TMEM108: variants seen among roughly 807,000 people sequenced by gnomAD.
TMEM108 encodes transmembrane protein 108.
TMEM108 carries 12 observed loss-of-function variants against 35.1 expected under a neutral mutation model. The observed-to-expected ratio is 0.34, with a 90% confidence interval of 0.22 to 0.55. The LOEUF (loss-of-function observed/expected upper bound fraction) is 0.55, where lower values mean the gene tolerates loss of function less well. Ranked by LOEUF, TMEM108 falls within the 20% of genes least tolerant of loss-of-function variation. TMEM108 has a pLI of 0.89. For missense variants in TMEM108, 680 were observed against 753.3 expected (o/e 0.90, Z 1.14); for synonymous variants, 287 against 308.6 (o/e 0.93, Z 0.73).
intron 3 of TMEM108, among the ~76,000 whole-genome samples, chr3:133,358,012 C>G (rs913911071): frequency 6.6e-6 from 1 of 152,084 alleles, no homozygotes; most frequent in Non-Finnish European, 1.5e-5. Context: ...ACCTGTTGCC[C>G]AGTTGTTACA....
chr3:133,126,528 G>C (rs1448995023), intron 2 of TMEM108, among the ~76,000 whole-genome samples: 3 of 147,920 alleles, frequency 2.0e-5, no homozygotes, highest in Admixed American at 6.8e-5. Context: ...CCAGAGTCTA[G>C]ACTAGCATTG....
At position 133,346,096 on chromosome 3, in the gene TMEM108, C is replaced by A. The variant is rs12630271; in HGVS notation, c.41-33656C>A. On this transcript the variant is annotated intron_variant, in intron 3 of 5. Coordinates refer to ENST00000321871, the MANE Select transcript of TMEM108 (RefSeq NM_023943.4). The surrounding 1 kb of genome is among the most constrained non-coding windows in gnomAD (Gnocchi z 4.0). ...CAATTATGAATAAAGTAGCTATAAGCATTCATGTGTAGGATTCTGTGTGAA... is the reference window on the plus strand; with the variant it reads ...CAATTATGAATAAAGTAGCTATAAGAATTCATGTGTAGGATTCTGTGTGAA... 0.34 allele frequency among the ~76,000 whole-genome samples: 51,143 copies of A among 151,736 alleles called. 9,013 individuals carry two copies. The highest frequency in any genetic ancestry group is 0.48 in the East Asian group (2,475 of 5,170).
In TMEM108 at chr3:133,317,810, T is replaced by G. The variant is rs73222859; in HGVS notation, c.41-61942T>G. Reference sequence around the variant, plus strand: ...ACCGAACAAATCCTTCCCCTCGTGGTACTGATATTCTAGAGGGGAAAGACT... The same window carrying G: ...ACCGAACAAATCCTTCCCCTCGTGGGACTGATATTCTAGAGGGGAAAGACT... On this transcript the variant is annotated intron_variant, in intron 3 of 5. Coordinates refer to ENST00000321871, the MANE Select transcript of TMEM108 (RefSeq NM_023943.4). Among the ~76,000 whole-genome samples the G allele has an allele frequency of 4.4e-3, 672 of 152,292 alleles. 3 individuals are homozygous for G. The highest frequency in any genetic ancestry group is 7.1e-3 in the Non-Finnish European group (482 of 68,026).
chr3:133,074,968 T>A (rs552203933), intron 2 of TMEM108, among the ~76,000 whole-genome samples: 1 of 151,764 alleles, frequency 6.6e-6, no homozygotes, highest in African/African-American at 2.4e-5. Context: ...TTATAAAATA[T>A]GTATTGTGTT....
At chr3:133,187,667 T>G (rs1316077898) in intron 2 of TMEM108, among the ~76,000 whole-genome samples, 1 of 152,002 alleles carries the variant, frequency 6.6e-6, no homozygotes, top group East Asian at 1.9e-4. Flanking sequence ...GGAGAACTGC[T>G]TGAACCCAGG....
chr3:133,237,734 AG>A (rs1490045211), intron 3 of TMEM108, among the ~76,000 whole-genome samples: 37 of 152,322 alleles, frequency 2.4e-4, no homozygotes, highest in African/African-American at 8.9e-4. Flanking sequence ...GTCTTTCATA[AG>A]CCAGACACTA....
chr3:133,187,321 C>T (rs1266568350), intron 2 of TMEM108, among the ~76,000 whole-genome samples: 1 of 152,168 alleles, frequency 6.6e-6, no homozygotes, highest in Non-Finnish European at 1.5e-5. Flanking sequence ...CCTTCCACTA[C>T]CAACTTCAGT....
At chr3:133,046,484 A>G (rs1943341941) in intron 2 of TMEM108, among the ~76,000 whole-genome samples, 1 of 152,228 alleles carries the variant, frequency 6.6e-6, no homozygotes, top group African/African-American at 2.4e-5. Context: ...AACTTCTCAA[A>G]GTGTTGAAAA....
rs1559846226 is a variant in TMEM108 at position 133,143,581 on chromosome 3, GA to G, written c.-46-85684del. ...TTATTATTGCCTTGTATGGCGAAAA[GA>G]TGTCATAATTCTGTTTTACAGATGA... On this transcript the variant is annotated intron_variant, in intron 2 of 5. Coordinates refer to ENST00000321871, the MANE Select transcript of TMEM108 (RefSeq NM_023943.4). Among the ~76,000 whole-genome samples the G allele has an allele frequency of 2.6e-5, 4 of 152,280 alleles. No homozygotes were observed. The South Asian group carries it at 8.3e-4, about 32-fold the overall frequency.
chr3:133,273,456 T>C (rs1301482246), intron 3 of TMEM108, among the ~76,000 whole-genome samples: 1 of 152,180 alleles, frequency 6.6e-6, no homozygotes, highest in African/African-American at 2.4e-5. Flanking sequence ...ACACCACGTC[T>C]ACCTCCCACA....
chr3:133,378,304 T>A (rs2072902862), intron 3 of TMEM108: 2 of 978,594 alleles, frequency 2.0e-6, no homozygotes, highest in South Asian at 9.5e-5. Flanking sequence ...GTCAAAGGCA[T>A]GCCTGGAGAT....
At chr3:133,205,198 G>T (rs780565945) in intron 2 of TMEM108, among the ~76,000 whole-genome samples, 3 of 150,402 alleles carry the variant, frequency 2.0e-5, no homozygotes, top group Non-Finnish European at 4.4e-5. Flanking sequence ...GCCTATGTGC[G>T]TCCTTGCACA....
intron 2 of TMEM108, among the ~76,000 whole-genome samples, chr3:133,096,201 C>T (rs1944013023): frequency 6.6e-6 from 1 of 152,186 alleles, no homozygotes; most frequent in East Asian, 1.9e-4. Context: ...CTCTGTCACT[C>T]AGGCTGGAGT....
intron 2 of TMEM108, among the ~76,000 whole-genome samples, chr3:133,121,911 A>G (rs1944357552): frequency 6.6e-6 from 1 of 152,154 alleles, no homozygotes; most frequent in African/African-American, 2.4e-5. Context: ...TGTAAGCTGA[A>G]AAAAATATTA....
At chr3:133,357,807 A>AT (rs2072219558) in intron 3 of TMEM108, among the ~76,000 whole-genome samples, 1 of 152,136 alleles carries the variant, frequency 6.6e-6, no homozygotes, top group Admixed American at 6.6e-5. Context: ...CGGGTGAGGG[A>AT]TAAAAGACTA....
chr3:133,076,368 A>G lies in TMEM108; in HGVS notation c.-47+30348A>G, dbSNP rs144725772. 1.1e-4 allele frequency among the ~76,000 whole-genome samples: 17 copies of G among 152,170 alleles called. No homozygotes were observed. The East Asian group carries it at 3.3e-3, about 29-fold the overall frequency. Reference sequence around the variant, plus strand: ...TCATTATGCATGTAAAGAGACCGTGATATAGATGGGAAAAAAGACTTCCTC... The same window carrying G: ...TCATTATGCATGTAAAGAGACCGTGGTATAGATGGGAAAAAAGACTTCCTC... On this transcript the variant is annotated intron_variant, in intron 2 of 5. Coordinates refer to ENST00000321871, the MANE Select transcript of TMEM108 (RefSeq NM_023943.4).
At chr3:133,357,570 C>T (rs937025653) in intron 3 of TMEM108, among the ~76,000 whole-genome samples, 3 of 152,078 alleles carry the variant, frequency 2.0e-5, no homozygotes, top group Non-Finnish European at 4.4e-5. Flanking sequence ...ATGTGGTATA[C>T]ATACACTATG....
In TMEM108 at chr3:133,353,132, G is replaced by A. The variant is rs548452446; in HGVS notation, c.41-26620G>A. Among the ~76,000 whole-genome samples, 75 of 152,278 alleles carry A rather than the reference G, an allele frequency of 4.9e-4. No homozygotes were observed. The South Asian group carries it at 8.7e-3, about 18-fold the overall frequency. On this transcript the variant is annotated intron_variant, in intron 3 of 5. Transcript: ENST00000321871. ...TGTGATCTTGACCTTGAAATGTCTC[G>A]TGAAACAAAGAAGCCAGCGTGATTT...
chr3:133,085,265 A>AT (rs1489743206), intron 2 of TMEM108, among the ~76,000 whole-genome samples: 2 of 152,100 alleles, frequency 1.3e-5, no homozygotes, highest in Non-Finnish European at 2.9e-5. Context: ...GAATGTTTTC[A>AT]TTTTTTTACC....
Sources: gnomAD v4.1 joint callset for allele counts (sites outside exome capture counted in the v4.1 genomes callset) on GRCh38, gnomAD v4.1.1 for gene constraint, Gnocchi (gnomAD v3.1) non-coding constraint, MANE v1.5 for transcripts, NCBI Gene and HGNC (gene_info 2026-07-23, HGNC 2026-07-21) for gene names.